The following PPFIBP2 variants were observed in gnomAD, a reference collection of about 807,000 sequenced individuals.
The protein encoded by PPFIBP2 is liprin-beta-2.
PPFIBP2 carries 118 observed loss-of-function variants against 118.3 expected under a neutral mutation model. That is an observed-to-expected ratio of 1.00 (90% CI 0.86 to 1.16). The LOEUF (loss-of-function observed/expected upper bound fraction) is 1.16, where lower values mean the gene tolerates loss of function less well. PPFIBP2 is among the 50% of genes most tolerant of loss of function. The pLI is 0.00. For missense variants in PPFIBP2, 1,195 were observed against 1,073.1 expected, an observed-to-expected ratio of 1.11 and a Z score of -1.59; for synonymous variants, 414 against 397.4, an observed-to-expected ratio of 1.04 and a Z score of -0.50.
In PPFIBP2 at chr11:7,597,592, G is replaced by C. The variant is rs766873775; in HGVS notation, c.405G>C (p.Gln135His). ...TCCTCACAGACCAAGTAGAAGCCCA[G>C]GGAGAAAAGATTCGAGACCTGGAAG... ...VSVLTDQVEA[Q>H]GEKIRDLEVC... The change falls in exon 5 of 24, where the codon CAG becomes CAC. Residue 135 changes from glutamine to histidine, a missense_variant. Gln to His is a conservative substitution (Grantham distance 24). Transcript: ENST00000299492. 54 of 1,614,018 alleles carry C rather than the reference G, an allele frequency of 3.3e-5. No homozygotes were observed. Among genetic ancestry groups the C allele is most frequent in the Non-Finnish European group, 4.5e-5 (53 of 1,180,004 alleles).
intron 3 of PPFIBP2, among the ~76,000 whole-genome samples, chr11:7,569,601 G>C (rs1380632703): frequency 6.6e-6 from 1 of 152,228 alleles, no homozygotes; most frequent in Non-Finnish European, 1.5e-5. Flanking sequence ...ACCTTGTATA[G>C]AGGGTGTCTT....
intron 1 of PPFIBP2, among the ~76,000 whole-genome samples, chr11:7,540,986 T>A (rs372087944): frequency 6.6e-6 from 1 of 152,138 alleles, no homozygotes; most frequent in Admixed American, 6.5e-5. Context: ...AAGGTATGTA[T>A]GGTAAAAGTT....
chr11:7,665,296 C>A, the PPFIBP2 span: 26 of 1,252,498 alleles, frequency 2.1e-5, no homozygotes, highest in African/African-American at 3.0e-5. Context: ...GAAAACATCC[C>A]AGTTTACCGT....
At chr11:7,537,060 G>A (rs943856743) in intron 1 of PPFIBP2, among the ~76,000 whole-genome samples, 2 of 152,122 alleles carry the variant, frequency 1.3e-5, no homozygotes, top group African/African-American at 4.8e-5. Context: ...CCTTCCTTCA[G>A]GTCCCCGCCT....
chr11:7,614,748 TA>T (rs1250650430), intron 6 of PPFIBP2, among the ~76,000 whole-genome samples: 1 of 152,080 alleles, frequency 6.6e-6, no homozygotes, highest in East Asian at 1.9e-4. Context: ...AAGAACTAAG[TA>T]AAATTGTGTA....
At chr11:7,532,229 T>TC (rs397950784) in intron 1 of PPFIBP2, among the ~76,000 whole-genome samples, 1 of 152,016 alleles carries the variant, frequency 6.6e-6, no homozygotes, top group Non-Finnish European at 1.5e-5. Flanking sequence ...GCTCTGCTTT[T>TC]AAGTACACCA....
chr11:7,615,045 A>G (rs79512955), intron 6 of PPFIBP2, among the ~76,000 whole-genome samples: 2,706 of 152,252 alleles, frequency 0.018, 74 homozygotes, highest in African/African-American at 0.061. Context: ...ATAAAGAATT[A>G]TGAAGCTAGG....
chr11:7,666,843 G>T, the PPFIBP2 span: 2 of 277,850 alleles, frequency 7.2e-6, no homozygotes, highest in Non-Finnish European at 1.4e-5. Context: ...TGGCCAGGAT[G>T]GCTTCACTCG....
chr11:7,573,873 G>A (rs1855949197), intron 3 of PPFIBP2: 1 of 152,276 alleles, frequency 6.6e-6, no homozygotes, highest in Admixed American at 6.5e-5. Context: ...TGATAGGTCA[G>A]TGGAACAGCA....
intron 3 of PPFIBP2, 135 bp downstream of exon 3, chr11:7,565,902 G>A (rs572760997): frequency 1.0e-4 from 99 of 947,120 alleles, no homozygotes; most frequent in South Asian, 9.0e-4. Flanking sequence ...TTTGGCCAAC[G>A]CTGCAGGGTG....
At chr11:7,577,345 G>GTGTGTGTA (rs1256369683) in intron 3 of PPFIBP2, 39,700 of 333,634 alleles carry the variant, frequency 0.12, 2,964 homozygotes, top group Non-Finnish European at 0.14. Flanking sequence ...GTGTGTGTGT[G>GTGTGTGTA]TGTGTGTTTG....
intron 16 of PPFIBP2, 115 bp from the exon 17 acceptor site, chr11:7,642,183 C>CA: frequency 8.1e-7 from 1 of 1,231,730 alleles, no homozygotes. Context: ...TACGGAGAAG[C>CA]AGTGCTGCCG....
downstream of PPFIBP2, among the ~76,000 whole-genome samples, chr11:7,661,114 ATTTTTTGAAGGG>A (rs1368210764): frequency 6.6e-6 from 1 of 151,632 alleles, no homozygotes; most frequent in East Asian, 1.9e-4. Context: ...GGATTCATTA[ATTTTTTGAAGGG>A]TTTTTTGTGT....
intron 1 of PPFIBP2, among the ~76,000 whole-genome samples, chr11:7,547,703 G>C (rs889598009): frequency 2.6e-5 from 4 of 152,048 alleles, no homozygotes; most frequent in African/African-American, 7.2e-5. Flanking sequence ...CTCCTGCCAG[G>C]GCCCTGAGGT....
chr11:7,534,685 C>G (rs1056877035), intron 1 of PPFIBP2, among the ~76,000 whole-genome samples: 1 of 152,016 alleles, frequency 6.6e-6, no homozygotes, highest in African/African-American at 2.4e-5. Context: ...TAAGGACTAC[C>G]ACAGGTCAGA....
intron 2 of PPFIBP2, among the ~76,000 whole-genome samples, chr11:7,562,927 TTTTATATATATATATA>T (rs1219084143): frequency 1.2e-5 from 1 of 81,932 alleles, no homozygotes; most frequent in South Asian, 4.9e-4. Flanking sequence ...GAAATTAAAG[TTTTATATATATATATA>T]TATATATATA....
intron 1 of PPFIBP2, among the ~76,000 whole-genome samples, chr11:7,517,356 C>T (rs1331492314): frequency 6.6e-6 from 1 of 151,982 alleles, no homozygotes; most frequent in East Asian, 1.9e-4. Context: ...TGTTTTGCAA[C>T]TGAGGGTGTG....
chr11:7,665,694 A>G, the PPFIBP2 span: 23 of 1,143,090 alleles, frequency 2.0e-5, no homozygotes, highest in Non-Finnish European at 2.7e-5. Context: ...TCCCTGCAAA[A>G]AGCCTCAGAA....
At chr11:7,577,802 G>C (rs1218623314) in intron 3 of PPFIBP2, among the ~76,000 whole-genome samples, 1 of 152,154 alleles carries the variant, frequency 6.6e-6, no homozygotes, top group Admixed American at 6.5e-5. Context: ...ATAGACACCA[G>C]GGAGAAAACA....
Sources: allele counts gnomAD v4.1 joint callset (sites outside exome capture counted in the v4.1 genomes callset), GRCh38; gene constraint gnomAD v4.1.1; transcripts MANE v1.5; gene names NCBI Gene and HGNC (gene_info 2026-07-23, HGNC 2026-07-21).